Variants in CENPC observed in about 807,000 individuals in gnomAD.
CENPC encodes centromere protein C, also known as CENP-C 1.
In CENPC, 63 loss-of-function variants were observed where a neutral mutation model predicts 112.1. The observed-to-expected ratio is 0.56, with a 90% CI of 0.46 to 0.69. The LOEUF is 0.69. Ranked by LOEUF, CENPC falls within the 30% of genes least tolerant of loss-of-function variation. The pLI, the probability that CENPC is intolerant of heterozygous loss-of-function variation, is 0.00. For synonymous variants in CENPC, 333 were observed against 367.6 expected (o/e 0.91, Z 1.08); for missense variants, 1,000 against 1,103.8 (o/e 0.91, Z 1.33).
chr4:67,522,368 T>C (rs1726251789), intron 5 of CENPC, among the ~76,000 whole-genome samples: 1 of 152,180 alleles, frequency 6.6e-6, no homozygotes, highest in South Asian at 2.1e-4. Context: ...GACGGATTCT[T>C]CCATGAAGTC....
rs1408237469 is a variant in CENPC at position 67,469,020 on chromosome 4, AC to A, written c.*3584del. 3.9e-5 allele frequency: 6 copies of A among 152,218 alleles called. No individual in the cohort carries two copies. Among genetic ancestry groups the A allele is most frequent in the African/African-American group, 1.4e-4 (6 of 41,446 alleles). 9.4% of individuals were successfully genotyped at this position (152,218 alleles called of 1,614,324 possible). ...GTTCTATGTTGATTGCAGTAGTTACACAAATTCACACATATGATGAAATAGA... is the reference window on the plus strand; with the variant it reads ...GTTCTATGTTGATTGCAGTAGTTACAAAATTCACACATATGATGAAATAGA... On this transcript the variant is annotated 3_prime_UTR_variant, in exon 19 of 19. Transcript: ENST00000273853.
chr4:67,512,440 C>T lies in CENPC; in HGVS notation c.1574G>A (p.Arg525Lys), dbSNP rs1725919631. Residue 525 changes from arginine to lysine, a missense_variant, in exon 9 of 19, where the codon AGG becomes AAG. Physicochemically the swap from Arg to Lys is conservative, Grantham distance 26. Coordinates refer to ENST00000273853, the MANE Select transcript of CENPC (RefSeq NM_001812.4). ...TACCACCCACCAATCAGATGGACGC[C>T]TGGAAATTCTTCGACTTTTCGTGAC... ...STVTKSRRISRRPSDWWVVKS... is the reference protein window; with the variant it reads ...STVTKSRRISKRPSDWWVVKS... 1 of 1,600,760 alleles carries T rather than the reference C, an allele frequency of 6.2e-7. No homozygotes were observed. Among genetic ancestry groups the T allele is most frequent in the Non-Finnish European group, 8.5e-7 (1 of 1,174,094 alleles).
intron 5 of CENPC, among the ~76,000 whole-genome samples, chr4:67,523,567 G>C (rs956488411): frequency 6.6e-6 from 1 of 152,150 alleles, no homozygotes; most frequent in African/African-American, 2.4e-5. Flanking sequence ...TAATGGATTA[G>C]AGTCAGAGAC....
At chr4:67,502,324 C>T (rs950331585) in intron 12 of CENPC, among the ~76,000 whole-genome samples, 1 of 152,042 alleles carries the variant, frequency 6.6e-6, no homozygotes, top group East Asian at 1.9e-4. Flanking sequence ...ACTGACACAG[C>T]GAGTCAAAAA....
intron 8 of CENPC, among the ~76,000 whole-genome samples, 165 bp from the exon 9 acceptor site, chr4:67,512,734 A>G (rs1016048621): frequency 1.3e-5 from 2 of 152,134 alleles, no homozygotes; most frequent in Admixed American, 1.3e-4. Context: ...TGTCAATTAT[A>G]TGTGCTGCTG....
At chr4:67,506,673 A>C in intron 11 of CENPC, 115 bp downstream of exon 11, 1 of 867,164 alleles carries the variant, frequency 1.2e-6, no homozygotes, top group Non-Finnish European at 1.6e-6. Context: ...AGAAACTATG[A>C]AACAATAAGT....
intron 5 of CENPC, among the ~76,000 whole-genome samples, chr4:67,523,709 C>A (rs1048251745): frequency 9.2e-5 from 14 of 152,282 alleles, no homozygotes; most frequent in African/African-American, 3.4e-4. Context: ...TTGAAAGGGT[C>A]TAGCAGCAAC....
At chr4:67,518,405 G>T in intron 6 of CENPC, 37 bp from the exon 7 acceptor site, 2 of 1,472,458 alleles carry the variant, frequency 1.4e-6, no homozygotes, top group Non-Finnish European at 1.8e-6. Flanking sequence ...GAATGCTCCC[G>T]TAACGTTTCT....
chr4:67,486,770 T>A (rs191339530), intron 17 of CENPC, among the ~76,000 whole-genome samples: 75 of 152,288 alleles, frequency 4.9e-4, no homozygotes, highest in African/African-American at 1.7e-3. Flanking sequence ...TCCCTAGGTT[T>A]CACCTGGTTC....
chr4:67,535,829 A>G (rs1726703067), intron 4 of CENPC, among the ~76,000 whole-genome samples: 1 of 152,088 alleles, frequency 6.6e-6, no homozygotes, highest in South Asian at 2.1e-4. Context: ...AAAGACTGGG[A>G]AAAAAAATCA....
Position 67,544,140 on chromosome 4 carries a change from G to C in CENPC, c.65+9C>G, listed in dbSNP as rs375144303. On this transcript the variant is annotated intron_variant, in intron 2 of 18. Transcript: ENST00000273853. ...AAAATAATCTTAAAAGCTTAAGTAC[G>C]TAAATCACCTGGAAGGTCGACAAAA... The C allele has an allele frequency of 7.0e-7, 1 of 1,437,146 alleles. No individual in the cohort carries two copies. Among genetic ancestry groups the C allele is most frequent in the East Asian group, 2.3e-5 (1 of 44,010 alleles). 89.0% of individuals were successfully genotyped at this position (1,437,146 alleles called of 1,614,324 possible).
At chr4:67,526,207 C>T (rs1726372530) in intron 5 of CENPC, among the ~76,000 whole-genome samples, 6 of 151,942 alleles carry the variant, frequency 3.9e-5, no homozygotes, top group Admixed American at 3.9e-4. Flanking sequence ...TTAGGACAAA[C>T]ACCTAACTCA....
chr4:67,515,188 G>A (rs565669998), intron 7 of CENPC, among the ~76,000 whole-genome samples: 9 of 150,204 alleles, frequency 6.0e-5, no homozygotes, highest in African/African-American at 1.5e-4. Context: ...TGAGGAGGCC[G>A]GATGTGGTGG....
rs1216467156 is a variant in CENPC at position 67,514,401 on chromosome 4, A to T, written c.1117T>A (p.Ser373Thr). The change falls in exon 8 of 19, where the codon TCT becomes ACT. Residue 373 changes from serine (S) to threonine (T), a missense_variant. Ser to Thr is a moderately conservative substitution (Grantham distance 58). Transcript: ENST00000273853. ...AGTACTGTTTTATCAGAGGGCTGAG[A>T]TGTCTCTACTGGGTGAGGTTTATGG... ...HSHKPHPVET[S>T]QPSDKTVLDT... is the part of the protein sequence containing the mutation. 6.2e-7 allele frequency: 1 copy of T among 1,613,660 alleles called. No homozygotes were observed. The highest frequency in any genetic ancestry group is 1.1e-5 in the South Asian group (1 of 91,074).
chr4:67,508,964 G>T lies in CENPC; in HGVS notation c.1754C>A (p.Thr585Asn). Residue 585 changes from threonine (T) to asparagine (N), a missense_variant, in exon 10 of 19, where the codon ACT becomes AAT. Coordinates refer to ENST00000273853, the MANE Select transcript of CENPC (RefSeq NM_001812.4). ...CTTCTGTACTCTTTGGTTGCCTTTA[G>T]TTGCTGTCTTCTGCCTTTTAAGTGG... ...TIPLKRQKTA[T>N]KGNQRVQKFL... The T allele has an allele frequency of 6.2e-7, 1 of 1,613,542 alleles. No homozygotes were observed. The highest frequency in any genetic ancestry group is 2.2e-5 in the East Asian group (1 of 44,858).
chr4:67,510,933 A>C, intron 9 of CENPC: 2 of 448,124 alleles, frequency 4.5e-6, no homozygotes, highest in East Asian at 1.4e-4. Context: ...ATAGTTTCAG[A>C]GATCTAGCAC....
At chr4:67,483,892 C>T (rs537535867) in intron 17 of CENPC, among the ~76,000 whole-genome samples, 45 of 152,108 alleles carry the variant, frequency 3.0e-4, no homozygotes, top group Non-Finnish European at 5.4e-4. Flanking sequence ...AAGTTAACAA[C>T]AACAACAAAA....
In CENPC at chr4:67,544,209, A is replaced by G; in HGVS notation, c.19-14T>C. On this transcript the variant is annotated splice_polypyrimidine_tract_variant and intron_variant, in intron 1 of 18. Transcript: ENST00000273853. ...TTTGAGATGATCCTGAAAGAAAAGT[A>G]AATCATCAATTTGGTTTCTTTAAGA... 1 of 1,508,084 alleles carries G rather than the reference A, an allele frequency of 6.6e-7. No homozygotes were observed. The highest frequency in any genetic ancestry group is 9.2e-7 in the Non-Finnish European group (1 of 1,086,636). 93.4% of individuals were successfully genotyped at this position (1,508,084 alleles called of 1,614,324 possible). A position where few individuals can be genotyped will look rare whatever the true frequency, so the allele number is the denominator to read the frequency against.
At chr4:67,504,231 G>A (rs984084840) in intron 12 of CENPC, among the ~76,000 whole-genome samples, 1 of 151,684 alleles carries the variant, frequency 6.6e-6, no homozygotes, top group Non-Finnish European at 1.5e-5. Context: ...CTACAATTTA[G>A]AGTATACTAC....
Sources: allele counts gnomAD v4.1 joint callset (sites outside exome capture counted in the v4.1 genomes callset), GRCh38; gene constraint gnomAD v4.1.1; transcripts MANE v1.5; gene names NCBI Gene and HGNC (gene_info 2026-07-23, HGNC 2026-07-21).